PREX2: variants seen among roughly 807,000 people sequenced by gnomAD.
PREX2 encodes phosphatidylinositol-3,4,5-trisphosphate dependent Rac exchange factor 2.
A neutral mutation model predicts 203.2 loss-of-function variants in PREX2; 107 were observed. The observed-to-expected ratio is 0.53, with a 90% CI of 0.45 to 0.62. PREX2 has a LOEUF of 0.62. PREX2 is among the 20% of genes least tolerant of loss of function. PREX2 has a pLI of 0.00. For missense variants in PREX2, 1,777 were observed against 1,955.9 expected (o/e 0.91, Z 1.72); for synonymous variants, 672 against 663.6 (o/e 1.01, Z -0.19).
chr8:68,125,632 A>C (rs1810871895), intron 30 of PREX2, among the ~76,000 whole-genome samples: 1 of 152,162 alleles, frequency 6.6e-6, no homozygotes, highest in Non-Finnish European at 1.5e-5. Flanking sequence ...TTATGGCCTC[A>C]TATTATCAGC....
rs139568645 is a variant in PREX2 at position 67,987,912 on chromosome 8, A to AGTATGTGTGTGTGTGTGT, written c.142-29932_142-29931insATGTGTGTGTGTGTGTGT. ...TCCTCAGGAATTGTGGCAGCCAGGG[A>AGTATGTGTGTGTGTGTGT]GTGTGTGTGTGTGTGTGTGTGTGTG... On this transcript the variant is annotated intron_variant, in intron 1 of 39. Coordinates refer to ENST00000288368, the MANE Select transcript of PREX2 (RefSeq NM_024870.4). Among the ~76,000 whole-genome samples the AGTATGTGTGTGTGTGTGT allele has an allele frequency of 2.9e-3, 439 of 150,904 alleles. 1 individual carries two copies. Among genetic ancestry groups the AGTATGTGTGTGTGTGTGT allele is most frequent in the African/African-American group, 5.3e-3 (217 of 41,284 alleles).
At chr8:68,115,021 C>CTTTTTTTT (rs5892137) in intron 25 of PREX2, among the ~76,000 whole-genome samples, 112 of 86,780 alleles carry the variant, frequency 1.3e-3, no homozygotes, top group African/African-American at 1.9e-3. Context: ...TCTTTTCTTT[C>CTTTTTTTT]TTTTTTTTTT....
In PREX2 at chr8:67,952,317, C is replaced by T. The variant is rs1338535820; in HGVS notation, c.-78C>T. 2 of 1,246,646 alleles carry T rather than the reference C, an allele frequency of 1.6e-6. No homozygotes were observed. The highest frequency in any genetic ancestry group is 6.6e-5 in the East Asian group (2 of 30,322). The allele number at this position is 1,246,646 out of a possible 1,614,324, so 77.2% of individuals were successfully genotyped here. On this transcript the variant is annotated 5_prime_UTR_variant, in exon 1 of 40. Transcript: ENST00000288368. ...GGCGGCAACTTTCCATTCTCGCCGC[C>T]GGGGGCCGGGCAGCAGCGGGCGCGC... is the stretch of plus-strand genomic sequence containing the variant.
intron 4 of PREX2, among the ~76,000 whole-genome samples, chr8:68,023,464 A>C (rs546443882): frequency 6.6e-5 from 10 of 152,250 alleles, no homozygotes; most frequent in African/African-American, 2.4e-4. Context: ...CCCATTTAAA[A>C]ATTGGGATGT....
chr8:68,072,651 T>C, intron 14 of PREX2, 81 bp downstream of exon 14: 2 of 776,894 alleles, frequency 2.6e-6, no homozygotes, highest in Non-Finnish European at 4.4e-6. Flanking sequence ...CCTTTATTCT[T>C]TTTCATCTGT....
At chr8:68,071,870 C>T (rs1809204808) in intron 13 of PREX2, among the ~76,000 whole-genome samples, 1 of 152,130 alleles carries the variant, frequency 6.6e-6, no homozygotes, top group African/African-American at 2.4e-5. Context: ...TCCAGCCTTC[C>T]TGGAGCATTC....
At chr8:68,203,427 T>A (rs1207906583) in intron 37 of PREX2, among the ~76,000 whole-genome samples, 1 of 152,082 alleles carries the variant, frequency 6.6e-6, no homozygotes, top group Non-Finnish European at 1.5e-5. Flanking sequence ...GGGTTCACAG[T>A]TGACAAGGAC....
At position 68,024,099 on chromosome 8, in the gene PREX2, A is replaced by G. The variant is rs187523825; in HGVS notation, c.441+1959A>G. On this transcript the variant is annotated intron_variant, in intron 4 of 39. Transcript: ENST00000288368. ...GCATTAAGTATGATGTTTGCTATTG[A>G]TTTTTTTAGTAGATGTTCTTTCTTA... Among the ~76,000 whole-genome samples the G allele has an allele frequency of 1.5e-3, 227 of 151,994 alleles. 1 individual carries two copies. The highest frequency in any genetic ancestry group is 2.1e-3 in the Admixed American group (32 of 15,264).
At chr8:68,078,617 T>C (rs757613898) in intron 15 of PREX2, among the ~76,000 whole-genome samples, 14 of 152,178 alleles carry the variant, frequency 9.2e-5, no homozygotes, top group Admixed American at 5.2e-4. Flanking sequence ...TGGTTATCAT[T>C]TTTTTGGGGG....
chr8:68,064,595 C>T (rs1808962487), intron 11 of PREX2, among the ~76,000 whole-genome samples: 1 of 151,608 alleles, frequency 6.6e-6, no homozygotes, highest in African/African-American at 2.4e-5. Context: ...CCAGGTTGGT[C>T]TTGAACTCCT....
At chr8:68,183,387 T>C (rs576731377) in intron 35 of PREX2, among the ~76,000 whole-genome samples, 1 of 152,292 alleles carries the variant, frequency 6.6e-6, no homozygotes, top group Non-Finnish European at 1.5e-5. Context: ...TTGAAATAAT[T>C]GGCTTGACTT....
At chr8:68,142,982 C>T (rs1811255525) in intron 33 of PREX2, among the ~76,000 whole-genome samples, 1 of 152,044 alleles carries the variant, frequency 6.6e-6, no homozygotes, top group Non-Finnish European at 1.5e-5. Context: ...GATTTTGGCC[C>T]CTCTATGAGT....
chr8:67,996,511 A>G (rs1429774150), intron 1 of PREX2, among the ~76,000 whole-genome samples: 3 of 151,970 alleles, frequency 2.0e-5, no homozygotes, highest in African/African-American at 7.3e-5. Flanking sequence ...ATTGTTTTAT[A>G]GGTGTTCTTC....
rs779442697 is a variant in PREX2, at chr8:68,038,279, A to G, written c.826A>G (p.Lys276Glu). 4 of 1,613,698 alleles carry G rather than the reference A, an allele frequency of 2.5e-6. No individual in the cohort carries two copies. Among genetic ancestry groups the G allele is most frequent in the African/African-American group, 1.3e-5 (1 of 74,910 alleles). ...FLFDNLLVYC[K>E]RKHRRLKNSK... is the part of the protein sequence containing the mutation. Reference sequence around the variant, plus strand: ...TTTCGATAATCTTTTGGTGTACTGCAAAAGAAAACACAGGTAAGATCCTAA... The same window carrying G: ...TTTCGATAATCTTTTGGTGTACTGCGAAAGAAAACACAGGTAAGATCCTAA... Residue 276 changes from lysine (K) to glutamate (E), a missense_variant, in exon 7 of 40, where the codon AAA (lysine) becomes GAA (glutamate). Transcript: ENST00000288368.
chr8:68,005,182 C>T (rs1375248754), intron 1 of PREX2, among the ~76,000 whole-genome samples: 1 of 152,164 alleles, frequency 6.6e-6, no homozygotes, highest in African/African-American at 2.4e-5. Context: ...GTTGCTCGGG[C>T]CCAAAATGTA....
intron 14 of PREX2, among the ~76,000 whole-genome samples, 164 bp from the exon 15 acceptor site, chr8:68,077,233 A>G (rs948754201): frequency 5.3e-5 from 8 of 152,240 alleles, no homozygotes; most frequent in African/African-American, 1.9e-4. Context: ...TTCATAATCA[A>G]CTGAATGTTT....
chr8:67,973,689 G>C (rs59758687), intron 1 of PREX2, among the ~76,000 whole-genome samples: 1 of 151,948 alleles, frequency 6.6e-6, no homozygotes, highest in Non-Finnish European at 1.5e-5. Context: ...AGTGTTATTG[G>C]TCTTGCATTA....
At chr8:68,199,012 C>T (rs1032404090) in intron 37 of PREX2, among the ~76,000 whole-genome samples, 3 of 152,068 alleles carry the variant, frequency 2.0e-5, no homozygotes, top group African/African-American at 7.2e-5. Context: ...TATGTTCGTG[C>T]TTTGTTACGA....
At chr8:68,006,006 C>A (rs1807082681) in intron 1 of PREX2, among the ~76,000 whole-genome samples, 1 of 152,228 alleles carries the variant, frequency 6.6e-6, no homozygotes, top group Non-Finnish European at 1.5e-5. Context: ...CACTTGCCCT[C>A]AGTTGATTTT....
Sources: gnomAD v4.1 joint callset for allele counts (sites outside exome capture counted in the v4.1 genomes callset) on GRCh38, gnomAD v4.1.1 for gene constraint, MANE v1.5 for transcripts, NCBI Gene and HGNC (gene_info 2026-07-23, HGNC 2026-07-21) for gene names.